IGF1R: variants seen among roughly 807,000 people sequenced by gnomAD.
IGF1R encodes the protein insulin-like growth factor 1 receptor.
In IGF1R, 44 loss-of-function variants were observed where a neutral mutation model predicts 144.6. The ratio of observed to expected loss-of-function variants is 0.30; its 90% confidence interval spans 0.24 to 0.39. The LOEUF (loss-of-function observed/expected upper bound fraction) is 0.39. IGF1R is among the 10% of genes least tolerant of loss of function. The pLI is 1.00. For synonymous variants in IGF1R, 795 were observed against 722.8 expected, an observed-to-expected ratio of 1.10 and a Z score of -1.60; for missense variants, 1,355 against 1,833.7, an observed-to-expected ratio of 0.74 and a Z score of 4.77.
Position 98,957,358 on chromosome 15 carries a change from C to T in IGF1R, c.4020C>T (p.Phe1340=), listed in dbSNP as rs752088167. Residue 1340 remains phenylalanine, a synonymous_variant, in exon 21 of 21, where the codon TTC becomes TTT. Transcript: ENST00000650285. ...GGGTGCTGGTCCTCCGCGCCAGCTTCGACGAGAGACAGCCTTACGCCCACA... is the reference window on the plus strand; with the variant it reads ...GGGTGCTGGTCCTCCGCGCCAGCTTTGACGAGAGACAGCCTTACGCCCACA... ...GPGVLVLRAS[F]DERQPYAHMN... is the part of the protein sequence containing the mutation. The T allele has an allele frequency of 9.9e-6, 16 of 1,612,244 alleles. No homozygotes were observed. The Admixed American group carries it at 1.2e-4, about 12-fold the overall frequency.
chr15:98,674,671 G>T (rs2052986948), intron 1 of IGF1R, among the ~76,000 whole-genome samples: 1 of 152,084 alleles, frequency 6.6e-6, no homozygotes, highest in Non-Finnish European at 1.5e-5. Context: ...AATTATAATA[G>T]TAATAGATGA....
intron 2 of IGF1R, among the ~76,000 whole-genome samples, chr15:98,861,390 C>A (rs998686415): frequency 2.0e-5 from 3 of 152,154 alleles, no homozygotes; most frequent in Admixed American, 1.3e-4. Flanking sequence ...TGCTGACCCG[C>A]GTAGGGAGGA....
intron 1 of IGF1R, among the ~76,000 whole-genome samples, chr15:98,699,293 C>T (rs371828835): frequency 1.2e-4 from 19 of 152,134 alleles, no homozygotes; most frequent in East Asian, 1.2e-3. Flanking sequence ...TGCTGCCCCT[C>T]GGAAGGCCTC....
At chr15:98,703,770 C>G (rs1214896492) in intron 1 of IGF1R, among the ~76,000 whole-genome samples, 1 of 152,218 alleles carries the variant, frequency 6.6e-6, no homozygotes, top group Non-Finnish European at 1.5e-5. Context: ...TTCCTCCTGT[C>G]TGCATTTTGA....
At chr15:98,730,233 ATT>A (rs201475313) in intron 2 of IGF1R, among the ~76,000 whole-genome samples, 1 of 147,168 alleles carries the variant, frequency 6.8e-6, no homozygotes, top group African/African-American at 2.5e-5. Context: ...GTGATTTTCA[ATT>A]TTTTTTTTTT....
chr15:98,782,363 T>C (rs1025309141), intron 2 of IGF1R, among the ~76,000 whole-genome samples: 1 of 152,206 alleles, frequency 6.6e-6, no homozygotes. Flanking sequence ...TTTTTATGTT[T>C]TTTTTACAAT....
chr15:98,821,791 G>T (rs915143429), intron 2 of IGF1R, among the ~76,000 whole-genome samples: 1 of 152,208 alleles, frequency 6.6e-6, no homozygotes, highest in Non-Finnish European at 1.5e-5. Flanking sequence ...CAGGAGCCAA[G>T]ACTAGAAGTG....
intron 18 of IGF1R, among the ~76,000 whole-genome samples, chr15:98,942,279 C>T (rs544858307): frequency 5.6e-4 from 85 of 152,242 alleles, no homozygotes; most frequent in African/African-American, 2.0e-3. Flanking sequence ...GTGGTCTCTG[C>T]AGTACTATAT....
intron 2 of IGF1R, among the ~76,000 whole-genome samples, chr15:98,868,106 G>C (rs1311273537): frequency 6.6e-6 from 1 of 152,044 alleles, no homozygotes. Context: ...AGAAGTGTTT[G>C]AACCCGGGAG....
intron 2 of IGF1R, among the ~76,000 whole-genome samples, chr15:98,714,517 G>C (rs573653498): frequency 2.4e-4 from 36 of 152,154 alleles, no homozygotes; most frequent in African/African-American, 8.2e-4. Flanking sequence ...GTGGAGGCAC[G>C]TGCCTATAGT....
chr15:98,689,662 T>C (rs2053426741), intron 1 of IGF1R, among the ~76,000 whole-genome samples: 1 of 152,224 alleles, frequency 6.6e-6, no homozygotes, highest in Non-Finnish European at 1.5e-5. Flanking sequence ...AGTTTAAAGA[T>C]GACTCAGAAG....
intron 2 of IGF1R, among the ~76,000 whole-genome samples, chr15:98,888,663 A>C (rs1352100402): frequency 6.6e-6 from 1 of 152,118 alleles, no homozygotes; most frequent in South Asian, 2.1e-4. Flanking sequence ...AGTCATTGAG[A>C]GCCAATCCTT....
At chr15:98,765,430 T>C (rs1398829564) in intron 2 of IGF1R, among the ~76,000 whole-genome samples, 2 of 145,242 alleles carry the variant, frequency 1.4e-5, no homozygotes, top group African/African-American at 5.0e-5. Context: ...TGCCTCAGCC[T>C]CCCAAGTAGC....
Position 98,888,218 on chromosome 15 carries a change from A to G in IGF1R, c.641-3107A>G, listed in dbSNP as rs1409631888. ...CAGGATTGTCGCTGATCCTGCGTGCATCTGTCTGGCACACAGGTGCAGCAC... is the reference window on the plus strand; with the variant it reads ...CAGGATTGTCGCTGATCCTGCGTGCGTCTGTCTGGCACACAGGTGCAGCAC... On this transcript the variant is annotated intron_variant, in intron 2 of 20. Coordinates refer to ENST00000650285, the MANE Select transcript of IGF1R (RefSeq NM_000875.5). 3.9e-5 allele frequency among the ~76,000 whole-genome samples: 6 copies of G among 152,354 alleles called. No individual in the cohort carries two copies. The East Asian group carries it at 5.8e-4, about 15-fold the overall frequency.
intron 6 of IGF1R, among the ~76,000 whole-genome samples, chr15:98,910,429 G>A (rs386472939): frequency 6.6e-5 from 10 of 152,260 alleles, no homozygotes; most frequent in African/African-American, 2.2e-4. Flanking sequence ...TCTCAGTTGC[G>A]CACATTTTGT....
intron 2 of IGF1R, among the ~76,000 whole-genome samples, chr15:98,755,226 G>T (rs1381049029): frequency 6.6e-6 from 1 of 152,074 alleles, no homozygotes. Flanking sequence ...TTTTCTCGGT[G>T]TATGGATATC....
Position 98,711,029 on chromosome 15 carries a change from T to C in IGF1R, c.640+2922T>C, listed in dbSNP as rs185914537. Among the ~76,000 whole-genome samples, 195 of 152,240 alleles carry C rather than the reference T, an allele frequency of 1.3e-3. 3 individuals carry two copies. The highest frequency in any genetic ancestry group is 4.6e-3 in the African/African-American group (190 of 41,540). On this transcript the variant is annotated intron_variant, in intron 2 of 20. Transcript: ENST00000650285. ...AAAATTACAGATGTGGCTTGCATTC[T>C]GTGTTGGTAAGCTGCTTTAGAGCAT...
At chr15:98,956,205 T>C (rs8038415) in intron 20 of IGF1R, among the ~76,000 whole-genome samples, 87,527 of 152,172 alleles carry the variant, frequency 0.58, 26,392 homozygotes, top group African/African-American at 0.77. Context: ...TTGCTCCATG[T>C]GACTCTGAGG....
chr15:98,939,923 C>T (rs1192378846), intron 18 of IGF1R, among the ~76,000 whole-genome samples: 1 of 152,194 alleles, frequency 6.6e-6, no homozygotes, highest in Non-Finnish European at 1.5e-5. Flanking sequence ...CCTCCAAGCT[C>T]TCGACCACTC....
Sources: allele counts gnomAD v4.1 joint callset (sites outside exome capture counted in the v4.1 genomes callset), GRCh38; gene constraint gnomAD v4.1.1; transcripts MANE v1.5; gene names NCBI Gene and HGNC (gene_info 2026-07-23, HGNC 2026-07-21).